The following FOXP1 variants were observed in gnomAD, a reference collection of about 807,000 sequenced individuals.
FOXP1 encodes forkhead box P1.
A neutral mutation model predicts 98.2 loss-of-function variants in FOXP1; 15 were observed. That is an observed-to-expected ratio of 0.15 (90% CI 0.10 to 0.24). The LOEUF (loss-of-function observed/expected upper bound fraction) is 0.24. Ranked by LOEUF, FOXP1 falls within the 10% of genes least tolerant of loss-of-function variation. FOXP1 has a pLI of 1.00. For missense variants in FOXP1, 633 were observed against 848.5 expected (o/e 0.75, Z 3.15); for synonymous variants, 371 against 314.5 (o/e 1.18, Z -1.90).
chr3:70,956,582 C>G lies in FOXP1; in HGVS notation c.*2665G>C. 4.3e-6 allele frequency: 1 copy of G among 230,448 alleles called. No individual in the cohort carries two copies. The allele number at this position is 230,448 out of a possible 1,614,324, so 14.3% of individuals were successfully genotyped here. A position where few individuals can be genotyped will look rare whatever the true frequency, so the allele number is the denominator to read the frequency against. On this transcript the variant is annotated 3_prime_UTR_variant, in exon 21 of 21. Coordinates refer to ENST00000649528, the MANE Select transcript of FOXP1 (RefSeq NM_001349338.3). ...TGCTGTTATCTTTACTCATGTCTAG[C>G]TACACATGCTGAGAATGAACTAATC... is the stretch of plus-strand genomic sequence containing the variant.
At chr3:71,279,192 A>AAAAAAAAAAAAAAAC (rs368277709) in intron 5 of FOXP1, among the ~76,000 whole-genome samples, 15 of 139,430 alleles carry the variant, frequency 1.1e-4, no homozygotes, top group East Asian at 2.3e-4. Context: ...AAAAAAAAAA[A>AAAAAAAAAAAAAAAC]AGAAAGAAAT....
intron 5 of FOXP1, among the ~76,000 whole-genome samples, chr3:71,269,918 G>A (rs1047969925): frequency 4.6e-5 from 7 of 152,098 alleles, no homozygotes; most frequent in Non-Finnish European, 8.8e-5. Context: ...AAAAGTATTA[G>A]AAACCAATAA....
intron 13 of FOXP1, among the ~76,000 whole-genome samples, chr3:70,989,219 G>A (rs893542105): frequency 6.6e-6 from 1 of 152,130 alleles, no homozygotes; most frequent in Non-Finnish European, 1.5e-5. Context: ...TGGAGAAAAG[G>A]GAAACCGTAC....
chr3:71,381,443 T>TA (rs1322863024), intron 3 of FOXP1, among the ~76,000 whole-genome samples: 1 of 142,396 alleles, frequency 7.0e-6, no homozygotes, highest in Non-Finnish European at 1.5e-5. Context: ...TGGCCTTTTT[T>TA]TTTTTTTTTT....
At chr3:71,428,795 A>G (rs2084401460) in intron 3 of FOXP1, among the ~76,000 whole-genome samples, 1 of 152,188 alleles carries the variant, frequency 6.6e-6, no homozygotes. Context: ...AAGAAACTTG[A>G]AGGGGAACAT....
intron 3 of FOXP1, among the ~76,000 whole-genome samples, chr3:71,462,402 CA>C (rs2088225292): frequency 6.6e-6 from 1 of 152,180 alleles, no homozygotes; most frequent in Non-Finnish European, 1.5e-5. Context: ...GGGTTCACTT[CA>C]AACAACACCT....
At chr3:71,047,474 T>C (rs1576416975) in intron 9 of FOXP1, among the ~76,000 whole-genome samples, 1 of 152,172 alleles carries the variant, frequency 6.6e-6, no homozygotes, top group African/African-American at 2.4e-5. Flanking sequence ...ACCTTTGAGG[T>C]GTAAAAGAAC....
chr3:71,558,941 T>C (rs958548878), intron 2 of FOXP1, among the ~76,000 whole-genome samples: 1 of 150,824 alleles, frequency 6.6e-6, no homozygotes, highest in African/African-American at 2.4e-5. Flanking sequence ...TAGCTGGAAC[T>C]ACAGGTGCCT....
intron 11 of FOXP1, among the ~76,000 whole-genome samples, chr3:71,031,505 T>A (rs2046863413): frequency 6.6e-6 from 1 of 152,208 alleles, no homozygotes; most frequent in Non-Finnish European, 1.5e-5. Context: ...AGTGTCTTTT[T>A]AAAAAGTCCC....
intron 11 of FOXP1, among the ~76,000 whole-genome samples, chr3:71,038,107 G>A (rs2047850278): frequency 1.3e-5 from 2 of 152,238 alleles, no homozygotes; most frequent in Non-Finnish European, 2.9e-5. Flanking sequence ...ACAGGAGCCA[G>A]CAAAATGCAC....
At chr3:71,277,337 T>A (rs536644268) in intron 5 of FOXP1, among the ~76,000 whole-genome samples, 1 of 152,050 alleles carries the variant, frequency 6.6e-6, no homozygotes, top group African/African-American at 2.4e-5. Flanking sequence ...CTGGCTTATT[T>A]CACTTAACAA....
At chr3:71,330,183 C>A (rs745887439) in intron 4 of FOXP1, among the ~76,000 whole-genome samples, 109 of 152,174 alleles carry the variant, frequency 7.2e-4, no homozygotes, top group Non-Finnish European at 3.4e-4. Context: ...GCATAAAATG[C>A]TGTGTGATAT....
At chr3:71,147,890 T>A (rs1171993532) in intron 6 of FOXP1, among the ~76,000 whole-genome samples, 1 of 152,138 alleles carries the variant, frequency 6.6e-6, no homozygotes, top group Non-Finnish European at 1.5e-5. Context: ...AGAAAACACT[T>A]GATAAATAGA....
chr3:71,110,087 C>T (rs377223133), intron 7 of FOXP1, among the ~76,000 whole-genome samples: 2 of 152,074 alleles, frequency 1.3e-5, no homozygotes, highest in African/African-American at 2.4e-5. Context: ...CCAAGAAAAA[C>T]GGAGCCCTCT....
intron 6 of FOXP1, among the ~76,000 whole-genome samples, chr3:71,147,487 T>C (rs1442689039): frequency 1.3e-5 from 2 of 152,352 alleles, no homozygotes; most frequent in African/African-American, 4.8e-5. Context: ...AACCCGAAGA[T>C]GTTAGCTGAT....
intron 2 of FOXP1, chr3:71,580,916 A>G (rs1203948769): frequency 1.6e-5 from 16 of 985,338 alleles, no homozygotes; most frequent in Non-Finnish European, 1.9e-5. Context: ...GTGACAAAAA[A>G]GAAAATGCTA....
At chr3:71,424,589 C>T (rs1401208378) in intron 3 of FOXP1, among the ~76,000 whole-genome samples, 1 of 152,172 alleles carries the variant, frequency 6.6e-6, no homozygotes, top group Admixed American at 6.5e-5. Context: ...CAGCTAACTT[C>T]CAGAGGTGTA....
intron 11 of FOXP1, among the ~76,000 whole-genome samples, chr3:71,026,699 C>G (rs1281196164): frequency 1.3e-5 from 2 of 152,190 alleles, no homozygotes; most frequent in Non-Finnish European, 2.9e-5. Flanking sequence ...TCATCACTAA[C>G]CATGTCACCA....
intron 6 of FOXP1, among the ~76,000 whole-genome samples, chr3:71,181,001 C>A (rs949344297): frequency 5.3e-5 from 8 of 152,156 alleles, no homozygotes. Flanking sequence ...CCACAAGAAC[C>A]GGTTCCCTGC....
Sources: allele counts gnomAD v4.1 joint callset (sites outside exome capture counted in the v4.1 genomes callset), GRCh38; gene constraint gnomAD v4.1.1; transcripts MANE v1.5; gene names NCBI Gene and HGNC (gene_info 2026-07-23, HGNC 2026-07-21).